ARHGAP24: variants seen among roughly 807,000 people sequenced by gnomAD.
ARHGAP24 encodes Rho GTPase activating protein 24, also known as rho GTPase-activating protein 24.
A neutral mutation model predicts 76.4 loss-of-function variants in ARHGAP24; 50 were observed. The observed-to-expected ratio is 0.65, with a 90% CI of 0.52 to 0.83. The LOEUF (loss-of-function observed/expected upper bound fraction) is 0.83. Ranked by LOEUF, ARHGAP24 falls within the 40% of genes least tolerant of loss-of-function variation. The pLI, the probability that ARHGAP24 is intolerant of heterozygous loss-of-function variation, is 0.00. For synonymous variants in ARHGAP24, 345 were observed against 323.3 expected, an observed-to-expected ratio of 1.07 and a Z score of -0.72; for missense variants, 930 against 914.2, an observed-to-expected ratio of 1.02 and a Z score of -0.22.
At chr4:85,681,713 T>C (rs1304042149) in intron 2 of ARHGAP24, among the ~76,000 whole-genome samples, 1 of 152,222 alleles carries the variant, frequency 6.6e-6, no homozygotes, top group Non-Finnish European at 1.5e-5. Context: ...GTAACAGTTC[T>C]TCATGCAGGA....
intron 2 of ARHGAP24, among the ~76,000 whole-genome samples, chr4:85,580,317 A>T (rs12501836): frequency 0.17 from 25,617 of 152,100 alleles, 3,952 homozygotes; most frequent in East Asian, 0.78. Flanking sequence ...ACATGTCCAT[A>T]TTGGTTGTTT....
chr4:85,489,782 T>C (rs1560506510), intron 1 of ARHGAP24, among the ~76,000 whole-genome samples: 1 of 152,202 alleles, frequency 6.6e-6, no homozygotes, highest in Non-Finnish European at 1.5e-5. Flanking sequence ...GCTTCTGATA[T>C]ATATTTCCAA....
In ARHGAP24 at chr4:85,739,310, C is replaced by T. The variant is rs187800551; in HGVS notation, c.268+17338C>T. Reference sequence around the variant, plus strand: ...ATTTAACTGAACGAAAAGCTTAGGACTTGCCATAAGTCAGGGCATTATCCT... The same window carrying T: ...ATTTAACTGAACGAAAAGCTTAGGATTTGCCATAAGTCAGGGCATTATCCT... On this transcript the variant is annotated intron_variant, in intron 3 of 9. Transcript: ENST00000395184. Among the ~76,000 whole-genome samples, 7 of 152,300 alleles carry T rather than the reference C, an allele frequency of 4.6e-5. No individual in the cohort carries two copies. In the East Asian group the frequency reaches 1.4e-3, roughly 29 times the overall value.
chr4:85,960,448 G>T (rs995011574), intron 5 of ARHGAP24, among the ~76,000 whole-genome samples: 1 of 152,092 alleles, frequency 6.6e-6, no homozygotes, highest in Non-Finnish European at 1.5e-5. Flanking sequence ...TGAAAACTCT[G>T]TGTTCATAAA....
At position 85,517,957 on chromosome 4, in the gene ARHGAP24, G is replaced by A. The variant is rs1724579735; in HGVS notation, c.-21+42398G>A. ...TTAGAAGGCAGAAGGGGTGTCACAG[G>A]CAAGCACACTGACAACTTTAAGAAG... On this transcript the variant is annotated intron_variant, in intron 1 of 9. Coordinates refer to ENST00000395184, the MANE Select transcript of ARHGAP24 (RefSeq NM_001025616.3). Among the ~76,000 whole-genome samples the A allele has an allele frequency of 2.0e-5, 3 of 152,090 alleles. 1 individual carries two copies. In the South Asian group the frequency reaches 6.2e-4, roughly 32 times the overall value.
At chr4:85,645,621 G>GT (rs1560567274) in intron 2 of ARHGAP24, among the ~76,000 whole-genome samples, 1 of 152,012 alleles carries the variant, frequency 6.6e-6, no homozygotes, top group East Asian at 1.9e-4. Context: ...TCAAACCTGC[G>GT]TGTCCATCTT....
At chr4:85,906,342 A>C (rs963728522) in intron 3 of ARHGAP24, among the ~76,000 whole-genome samples, 1 of 152,172 alleles carries the variant, frequency 6.6e-6, no homozygotes, top group Admixed American at 6.5e-5. Context: ...AACTGGGTTG[A>C]GAAAGAAGGT....
At chr4:85,611,433 C>A (rs1308577474) in intron 2 of ARHGAP24, among the ~76,000 whole-genome samples, 2 of 152,084 alleles carry the variant, frequency 1.3e-5, no homozygotes, top group Non-Finnish European at 2.9e-5. Context: ...CCACTAGATC[C>A]CATGACAATT....
intron 2 of ARHGAP24, among the ~76,000 whole-genome samples, chr4:85,719,430 C>T (rs970299160): frequency 2.0e-5 from 3 of 152,102 alleles, no homozygotes; most frequent in South Asian, 2.1e-4. Context: ...GGTTGGAGAG[C>T]GCTATGCTTT....
At chr4:85,749,956 AGCAGCAGCG>A (rs1419993610) in intron 3 of ARHGAP24, among the ~76,000 whole-genome samples, 1 of 152,000 alleles carries the variant, frequency 6.6e-6, no homozygotes, top group Non-Finnish European at 1.5e-5. Context: ...CAGCAGCAGC[AGCAGCAGCG>A]GCAGCAGCAG....
intron 1 of ARHGAP24, among the ~76,000 whole-genome samples, chr4:85,567,396 A>T (rs1399530424): frequency 6.6e-6 from 1 of 152,178 alleles, no homozygotes; most frequent in African/African-American, 2.4e-5. Context: ...TTTTAGAGGT[A>T]TTCTGAATTT....
At chr4:85,668,412 A>G (rs1347826860) in intron 2 of ARHGAP24, among the ~76,000 whole-genome samples, 2 of 152,364 alleles carry the variant, frequency 1.3e-5, no homozygotes, top group African/African-American at 2.4e-5. Flanking sequence ...GAATAAAATT[A>G]TATCCACAAG....
At chr4:85,559,800 A>T (rs1726524032) in intron 1 of ARHGAP24, among the ~76,000 whole-genome samples, 1 of 152,162 alleles carries the variant, frequency 6.6e-6, no homozygotes, top group African/African-American at 2.4e-5. Context: ...CTGTGGCCAT[A>T]TGATGAAATG....
chr4:85,583,963 CAGAAATAGGAACACTTTGACACTGT>C (rs1727733016), intron 2 of ARHGAP24, among the ~76,000 whole-genome samples: 1 of 150,168 alleles, frequency 6.7e-6, no homozygotes, highest in African/African-American at 2.5e-5. Flanking sequence ...AGAGGATGTG[CAGAAATAGGAACACTTTGACACTGT>C]TGGTGGGACC....
intron 3 of ARHGAP24, among the ~76,000 whole-genome samples, chr4:85,803,944 T>C (rs1728683009): frequency 6.7e-6 from 1 of 150,200 alleles, no homozygotes; most frequent in Non-Finnish European, 1.5e-5. Context: ...TTTTTTTTCT[T>C]TTTCTTTTTC....
chr4:85,501,819 T>A (rs1723828790), intron 1 of ARHGAP24, among the ~76,000 whole-genome samples: 1 of 152,188 alleles, frequency 6.6e-6, no homozygotes, highest in Non-Finnish European at 1.5e-5. Context: ...TGAATGGTAT[T>A]GCCTAGTTTT....
chr4:85,526,132 C>T (rs1265114838), intron 1 of ARHGAP24, among the ~76,000 whole-genome samples: 1 of 151,816 alleles, frequency 6.6e-6, no homozygotes, highest in Non-Finnish European at 1.5e-5. Context: ...TATTTTTGGC[C>T]GGGTATGGTG....
At chr4:85,923,606 T>C in intron 3 of ARHGAP24, 42 bp from the exon 4 acceptor site, 1 of 1,612,476 alleles carries the variant, frequency 6.2e-7, no homozygotes, top group Non-Finnish European at 8.5e-7. Context: ...ATGAGGAATC[T>C]CTGGATGCAA....
At chr4:85,845,183 G>A (rs187901842) in intron 3 of ARHGAP24, among the ~76,000 whole-genome samples, 40 of 152,064 alleles carry the variant, frequency 2.6e-4, no homozygotes, top group Middle Eastern at 3.4e-3. Flanking sequence ...TAATCTTCCC[G>A]GGAAATTTAT....
Sources: allele counts gnomAD v4.1 joint callset (sites outside exome capture counted in the v4.1 genomes callset), GRCh38; gene constraint gnomAD v4.1.1; transcripts MANE v1.5; gene names NCBI Gene and HGNC (gene_info 2026-07-23, HGNC 2026-07-21).